The following ELF1 variants were observed in gnomAD, a reference collection of about 807,000 sequenced individuals.
ELF1 encodes ETS-related transcription factor Elf-1.
ELF1 carries 24 observed loss-of-function variants against 59.9 expected under a neutral mutation model. The observed-to-expected ratio is 0.40, with a 90% CI of 0.29 to 0.56. The LOEUF is 0.56. Ranked by LOEUF, ELF1 falls within the 20% of genes least tolerant of loss-of-function variation. The pLI, the probability that ELF1 is intolerant of heterozygous loss-of-function variation, is 0.44. For synonymous variants in ELF1, 248 were observed against 266.2 expected (o/e 0.93, Z 0.67); for missense variants, 627 against 742.2 (o/e 0.84, Z 1.80).
chr13:40,985,152 G>T (rs538434020), intron 1 of ELF1, among the ~76,000 whole-genome samples: 1 of 152,300 alleles, frequency 6.6e-6, no homozygotes, highest in East Asian at 1.9e-4. Flanking sequence ...GCTCAATCAT[G>T]TCTTTGATTC....
At chr13:40,948,463 G>A (rs1384332742) in intron 5 of ELF1, among the ~76,000 whole-genome samples, 2 of 152,136 alleles carry the variant, frequency 1.3e-5, no homozygotes, top group African/African-American at 4.8e-5. Flanking sequence ...AGAGCCCCTC[G>A]GCATATCCTT....
At chr13:41,004,913 C>G (rs1874655329) in intron 1 of ELF1, among the ~76,000 whole-genome samples, 1 of 152,118 alleles carries the variant, frequency 6.6e-6, no homozygotes, top group Non-Finnish European at 1.5e-5. Flanking sequence ...TCCCTCGAAT[C>G]AACAAGTGAC....
At chr13:40,998,475 T>A (rs1874238522) in intron 1 of ELF1, among the ~76,000 whole-genome samples, 1 of 152,220 alleles carries the variant, frequency 6.6e-6, no homozygotes, top group South Asian at 2.1e-4. Flanking sequence ...TGTAGGTACA[T>A]TCTGTGATTT....
At chr13:40,972,972 G>A (rs892277708) in intron 2 of ELF1, among the ~76,000 whole-genome samples, 1 of 152,096 alleles carries the variant, frequency 6.6e-6, no homozygotes, top group Admixed American at 6.6e-5. Context: ...AGGGGAGGGA[G>A]GAGATTACAG....
chr13:41,029,629 G>T (rs565617692), intron 1 of ELF1, among the ~76,000 whole-genome samples: 6 of 152,068 alleles, frequency 3.9e-5, no homozygotes, highest in Non-Finnish European at 8.8e-5. Context: ...TGATCCACCC[G>T]CCTCAGCCTC....
chr13:40,940,923 A>G lies in ELF1; in HGVS notation c.1254T>C (p.Ile418=), dbSNP rs748500239. 2.7e-5 allele frequency: 43 copies of G among 1,608,900 alleles called. No individual in the cohort carries two copies. The highest frequency in any genetic ancestry group is 3.0e-5 in the Non-Finnish European group (35 of 1,176,906). ...DETLNSSVQS[I]RTIQAPTQVP... The stretch of plus-strand genomic sequence containing the variant: ...CATCAGTAGTTTGGTTTTCTCACCT[A>G]ATACTCTGAACGGAAGAATTTAATG... The change falls in exon 8 of 9, where the codon ATT becomes ATC. Residue 418 remains isoleucine (I), a splice_region_variant and synonymous_variant. Transcript: ENST00000239882.
intron 1 of ELF1, among the ~76,000 whole-genome samples, chr13:40,986,937 C>CTCTT (rs552477115): frequency 0.56 from 70,321 of 126,596 alleles, 23,090 homozygotes; most frequent in Admixed American, 0.67. Context: ...AATCATTGCT[C>CTCTT]TTTTTTTTTT....
intron 1 of ELF1, among the ~76,000 whole-genome samples, chr13:41,048,447 C>T (rs1876951320): frequency 6.6e-6 from 1 of 152,186 alleles, no homozygotes; most frequent in Non-Finnish European, 1.5e-5. Flanking sequence ...GAGACAAGGT[C>T]TCCATCTGTC....
intron 1 of ELF1, among the ~76,000 whole-genome samples, chr13:41,032,589 G>A (rs1359609578): frequency 6.6e-6 from 1 of 152,050 alleles, no homozygotes; most frequent in Non-Finnish European, 1.5e-5. Flanking sequence ...GCCGGGCACA[G>A]TGTCTCATGC....
At chr13:41,020,755 C>T (rs527721689), upstream of ELF1, among the ~76,000 whole-genome samples, 9 of 152,212 alleles carry the variant, frequency 5.9e-5, no homozygotes, top group East Asian at 7.7e-4. Flanking sequence ...AAACAAGGTC[C>T]GCTGAGCAGT....
intron 8 of ELF1, among the ~76,000 whole-genome samples, chr13:40,937,795 C>T (rs1424153958): frequency 6.6e-6 from 1 of 151,296 alleles, no homozygotes. Flanking sequence ...ATAACCTACA[C>T]ATTATACATT....
At chr13:40,974,334 C>T (rs990509632) in intron 2 of ELF1, among the ~76,000 whole-genome samples, 2 of 152,082 alleles carry the variant, frequency 1.3e-5, no homozygotes, top group Non-Finnish European at 2.9e-5. Flanking sequence ...ATATTTTAAA[C>T]TACTTTTCAC....
chr13:40,940,400 A>AC (rs1341158496), intron 8 of ELF1, among the ~76,000 whole-genome samples: 1 of 146,690 alleles, frequency 6.8e-6, no homozygotes, highest in Non-Finnish European at 1.5e-5. Flanking sequence ...AAAAAAAAAA[A>AC]AAAAAAAAAA....
chr13:40,987,218 G>T (rs2060581810), intron 1 of ELF1, among the ~76,000 whole-genome samples: 2 of 149,990 alleles, frequency 1.3e-5, no homozygotes, highest in African/African-American at 4.9e-5. Flanking sequence ...TTACAGGCGT[G>T]AGCCACAGCA....
At chr13:40,987,584 CAAAAAAAA>C (rs374604821) in intron 1 of ELF1, among the ~76,000 whole-genome samples, 3 of 68,408 alleles carry the variant, frequency 4.4e-5, no homozygotes, top group Non-Finnish European at 9.9e-5. Context: ...GACTCTGTCT[CAAAAAAAA>C]AAAAAAAAAA....
intron 3 of ELF1, among the ~76,000 whole-genome samples, chr13:40,954,770 A>G (rs906932275): frequency 6.6e-6 from 1 of 150,490 alleles, no homozygotes; most frequent in African/African-American, 2.4e-5. Flanking sequence ...CCCAGGCTGG[A>G]GTGCAGTGGC....
At chr13:41,017,358 C>G (rs899622754) in intron 1 of ELF1, among the ~76,000 whole-genome samples, 6 of 152,074 alleles carry the variant, frequency 3.9e-5, no homozygotes, top group Non-Finnish European at 8.8e-5. Context: ...TGCATGACCT[C>G]AAGCAAATCA....
intron 2 of ELF1, 122 bp downstream of exon 2, chr13:40,981,861 A>C (rs1873289955): frequency 9.1e-7 from 1 of 1,096,922 alleles, no homozygotes; most frequent in African/African-American, 1.6e-5. Context: ...CAAATATTTC[A>C]TCTATAAATT....
intron 1 of ELF1, among the ~76,000 whole-genome samples, chr13:41,049,784 C>T (rs1206414247): frequency 6.6e-6 from 1 of 152,188 alleles, no homozygotes; most frequent in Non-Finnish European, 1.5e-5. Context: ...TAGGGGTCTC[C>T]CTGCCATGCG....
Sources: gnomAD v4.1 joint callset for allele counts (sites outside exome capture counted in the v4.1 genomes callset) on GRCh38, gnomAD v4.1.1 for gene constraint, MANE v1.5 for transcripts, NCBI Gene and HGNC (gene_info 2026-07-23, HGNC 2026-07-21) for gene names.